Variants in ACOT9 observed in about 807,000 individuals in gnomAD.
ACOT9 encodes acyl-CoA thioesterase 9.
In ACOT9, 34 loss-of-function variants were observed where a neutral mutation model predicts 39.7. That is an observed-to-expected ratio of 0.86 (90% CI 0.65 to 1.14). ACOT9 has a LOEUF of 1.14. Ranked by LOEUF, ACOT9 falls within the 50% of genes most tolerant of loss-of-function variation. ACOT9 has a pLI of 0.00. For synonymous variants in ACOT9, 110 were observed against 120.5 expected, an observed-to-expected ratio of 0.91 and a Z score of 0.57; for missense variants, 313 against 344.1, an observed-to-expected ratio of 0.91 and a Z score of 0.71.
intron 1 of ACOT9, among the ~76,000 whole-genome samples, chrX:23,738,586 A>G (rs896114032): frequency 9.0e-6 from 1 of 111,375 alleles, no homozygotes; most frequent in Non-Finnish European, 1.9e-5. Context: ...AGCCTGAGCA[A>G]CAGAGCAAGA....
chrX:23,727,526 T>C (rs1929575213), intron 6 of ACOT9, among the ~76,000 whole-genome samples: 2 of 109,308 alleles, frequency 1.8e-5, no homozygotes, highest in South Asian at 8.0e-4. Context: ...GGACTCACTA[T>C]GTTTCCCAGG....
intron 1 of ACOT9, among the ~76,000 whole-genome samples, chrX:23,739,218 A>G (rs958083345): frequency 9.0e-6 from 1 of 110,796 alleles, no homozygotes; most frequent in African/African-American, 3.3e-5. Context: ...AGATCGTGCC[A>G]CTGCACAGCG....
At chrX:23,723,868 A>C (rs764802770) in intron 6 of ACOT9, among the ~76,000 whole-genome samples, 1 of 112,135 alleles carries the variant, frequency 8.9e-6, no homozygotes, top group South Asian at 3.6e-4. Context: ...CAGGAGTAGA[A>C]ATGAAAAGAC....
At chrX:23,711,262 C>T (rs990578110) in intron 9 of ACOT9, among the ~76,000 whole-genome samples, 12 of 110,795 alleles carry the variant, frequency 1.1e-4, no homozygotes, top group Admixed American at 1.9e-4. Context: ...ACAGAGGCTG[C>T]AGTGAGCCGA....
At chrX:23,730,223 T>C (rs1254436389) in intron 6 of ACOT9, among the ~76,000 whole-genome samples, 1 of 106,372 alleles carries the variant, frequency 9.4e-6, no homozygotes, top group Non-Finnish European at 1.9e-5. Flanking sequence ...GCCTCCCAAG[T>C]AGCTGGGATT....
chrX:23,708,338 C>T (rs975375705), intron 9 of ACOT9, among the ~76,000 whole-genome samples: 3 of 110,747 alleles, frequency 2.7e-5, no homozygotes, highest in Admixed American at 9.7e-5. Context: ...TGAGACCAGC[C>T]TGACCAACAA....
intron 8 of ACOT9, among the ~76,000 whole-genome samples, chrX:23,719,614 C>T (rs1929224231): frequency 9.0e-6 from 1 of 110,844 alleles, no homozygotes; most frequent in Non-Finnish European, 1.9e-5. Context: ...CTCAGATCAT[C>T]GGGCACTAGA....
At position 23,706,718 on chromosome X, in the gene ACOT9, G is replaced by A. The variant is rs771016382; in HGVS notation, c.752C>T (p.Ala251Val). 2.5e-6 allele frequency: 3 copies of A among 1,198,414 alleles called. No individual in the cohort carries two copies. The highest frequency in any genetic ancestry group is 3.6e-5 in the South Asian group (2 of 56,266). ...TTTCAGTAACGACGTGGAGCTGAAG[G>A]CAATTCTTCTCCCCTTGTTCACTGG... ...QGELNKGRRI[A>V]FSSTSLLKMA... is the part of the protein sequence containing the mutation. Residue 251 changes from alanine (A) to valine (V), a missense_variant, in exon 11 of 16, where the codon GCC (alanine) becomes GTC (valine). By Grantham distance (64) the Ala-to-Val change is moderately conservative. Coordinates refer to ENST00000379303, the MANE Select transcript of ACOT9 (RefSeq NM_001037171.2).
intron 1 of ACOT9, among the ~76,000 whole-genome samples, chrX:23,742,398 G>A: frequency 9.0e-6 from 1 of 110,802 alleles, no homozygotes; most frequent in Non-Finnish European, 1.9e-5. Context: ...CAGCCAGGCA[G>A]AAAACTTGGA....
chrX:23,707,537 G>C (rs188805536), intron 10 of ACOT9, among the ~76,000 whole-genome samples: 208 of 111,099 alleles, frequency 1.9e-3, no homozygotes, highest in African/African-American at 6.2e-3. Flanking sequence ...AGGAGATCGA[G>C]ACCATCCTGG....
At chrX:23,726,842 T>G (rs940181841) in intron 6 of ACOT9, among the ~76,000 whole-genome samples, 1 of 111,062 alleles carries the variant, frequency 9.0e-6, no homozygotes, top group Non-Finnish European at 1.9e-5. Flanking sequence ...AATTTTTGTG[T>G]TTTTGAGACA....
At position 23,701,175 on chromosome X, in the gene ACOT9, G is replaced by C. The variant is rs1928473294; in HGVS notation, c.*2719C>G. 9.0e-6 allele frequency among the ~76,000 whole-genome samples: 1 copy of C among 111,666 alleles called. No homozygotes were observed. Among genetic ancestry groups the C allele is most frequent in the African/African-American group, 3.3e-5 (1 of 30,755 alleles). On this transcript the variant is annotated 3_prime_UTR_variant, in exon 16 of 16. Coordinates refer to ENST00000379303, the MANE Select transcript of ACOT9 (RefSeq NM_001037171.2). The stretch of plus-strand genomic sequence containing the variant: ...TATATAATGTATAATCTATACAATA[G>C]CATGCAGTAGGTCTCTTAACTCCAC...
intron 4 of ACOT9, among the ~76,000 whole-genome samples, chrX:23,731,472 C>CT (rs1299561675): frequency 1.8e-5 from 1 of 55,173 alleles, no homozygotes; most frequent in Non-Finnish European, 2.7e-5. Flanking sequence ...GCAAGACTGT[C>CT]TCAAAAAAAA....
intron 4 of ACOT9, among the ~76,000 whole-genome samples, chrX:23,732,097 G>T (rs1366031036): frequency 8.9e-6 from 1 of 112,071 alleles, no homozygotes; most frequent in East Asian, 2.8e-4. Flanking sequence ...GCTCATGGGG[G>T]AAGAATAGGG....
chrX:23,721,904 C>A lies in ACOT9; in HGVS notation c.565G>T (p.Glu189Ter). 1 of 1,210,484 alleles carries A rather than the reference C, an allele frequency of 8.3e-7. No homozygotes were observed. Among genetic ancestry groups the A allele is most frequent in the Middle Eastern group, 2.3e-4 (1 of 4,351 alleles). ...HVSWVGKTSM[E>*]VKMQMFQLHG... ...ACCTGGAACATTTGCATCTTCACTT[C>A]CATGGATGTCTTCCCGACCCAGCTA... is the stretch of plus-strand genomic sequence containing the variant. Residue 189 changes from glutamate to a stop codon, truncating the protein, a stop_gained, in exon 8 of 16, where the codon GAA becomes TAA. Coordinates refer to ENST00000379303, the MANE Select transcript of ACOT9 (RefSeq NM_001037171.2). LOFTEE classifies it high-confidence loss of function.
intron 11 of ACOT9, 90 bp from the exon 12 acceptor site, chrX:23,705,948 C>A: frequency 1.3e-6 from 1 of 797,323 alleles, no homozygotes. Context: ...CCAATACACT[C>A]AGACAACTGT....
chrX:23,716,401 A>G (rs1929082125), intron 8 of ACOT9, among the ~76,000 whole-genome samples: 1 of 112,074 alleles, frequency 8.9e-6, no homozygotes, highest in Non-Finnish European at 1.9e-5. Flanking sequence ...TCCAAACCCA[A>G]TGAGCATTTC....
Position 23,730,507 on chromosome X carries a change from G to A in ACOT9, c.400+20C>T. 1 of 1,177,152 alleles carries A rather than the reference G, an allele frequency of 8.5e-7. No homozygotes were observed. The highest frequency in any genetic ancestry group is 1.2e-6 in the Non-Finnish European group (1 of 864,867). ...TATATCTGTAGGTATCTATTAGAAAGACTAAAATAATACCAGTACCTCCCA... is the reference window on the plus strand; with the variant it reads ...TATATCTGTAGGTATCTATTAGAAAAACTAAAATAATACCAGTACCTCCCA... On this transcript the variant is annotated intron_variant, in intron 6 of 15. Coordinates refer to ENST00000379303, the MANE Select transcript of ACOT9 (RefSeq NM_001037171.2).
intron 4 of ACOT9, among the ~76,000 whole-genome samples, chrX:23,731,656 T>C (rs1260769308): frequency 9.1e-6 from 1 of 109,747 alleles, no homozygotes; most frequent in Non-Finnish European, 1.9e-5. Context: ...AAGAATGGCT[T>C]GGCCACTCTA....
Sources: gnomAD v4.1 joint callset for allele counts (sites outside exome capture counted in the v4.1 genomes callset) on GRCh38, gnomAD v4.1.1 for gene constraint, MANE v1.5 for transcripts, NCBI Gene and HGNC (gene_info 2026-07-23, HGNC 2026-07-21) for gene names.